Variants in FHIP2B observed in about 807,000 individuals in gnomAD.
FHIP2B encodes the protein FHF complex subunit HOOK-interacting protein 2B.
A neutral mutation model predicts 84.0 loss-of-function variants in FHIP2B; 72 were observed. That is an observed-to-expected ratio of 0.86 (90% confidence interval 0.71 to 1.04). The LOEUF (loss-of-function observed/expected upper bound fraction) is 1.04, where lower values mean the gene tolerates loss of function less well. FHIP2B is among the 50% of genes least tolerant of loss of function. FHIP2B has a pLI of 0.00. For synonymous variants in FHIP2B, 497 were observed against 418.7 expected, an observed-to-expected ratio of 1.19 and a Z score of -2.28; for missense variants, 972 against 968.9, an observed-to-expected ratio of 1.00 and a Z score of -0.04.
chr8:22,099,275 G>A lies in FHIP2B; in HGVS notation c.1075-9G>A. 1 of 1,613,452 alleles carries A rather than the reference G, an allele frequency of 6.2e-7. No individual in the cohort carries two copies. The highest frequency in any genetic ancestry group is 8.5e-7 in the Non-Finnish European group (1 of 1,179,720). ...AGGGCAAAACACATTGGCGCTCTCT[G>A]GCACCCAGGTGGTTGCGGACGCCTT... On this transcript the variant is annotated splice_polypyrimidine_tract_variant and intron_variant, in intron 8 of 16. Transcript: ENST00000289921.
At position 22,099,055 on chromosome 8, in the gene FHIP2B, C is replaced by T. The variant is rs759016089; in HGVS notation, c.1073C>T (p.Thr358Met). 14 of 1,597,534 alleles carry T rather than the reference C, an allele frequency of 8.8e-6. No homozygotes were observed. The highest frequency in any genetic ancestry group is 8.0e-5 in the African/African-American group (6 of 74,674). ...GACCACCTCATCACAGAGGCACACA[C>T]GGTGAGCAGGGGCGGGCGGAGGCCG... is the stretch of plus-strand genomic sequence containing the variant. ...YCDHLITEAH[T>M]VVADALAKAV... The change falls in exon 8 of 17, where the codon ACG becomes ATG. Residue 358 changes from threonine to methionine, a missense_variant and splice_region_variant. Physicochemically the swap from Thr to Met is moderately conservative, Grantham distance 81. Coordinates refer to ENST00000289921, the MANE Select transcript of FHIP2B (RefSeq NM_022749.7).
Position 22,100,927 on chromosome 8 carries a change from C to G in FHIP2B, c.1571C>G (p.Ala524Gly). 2.5e-6 allele frequency: 4 copies of G among 1,613,956 alleles called. No homozygotes were observed. Among genetic ancestry groups the G allele is most frequent in the Middle Eastern group, 1.6e-4 (1 of 6,062 alleles). Residue 524 changes from alanine (A) to glycine (G), a missense_variant, in exon 12 of 17, where the codon GCT becomes GGT. Ala to Gly is a moderately conservative substitution (Grantham distance 60). Coordinates refer to ENST00000289921, the MANE Select transcript of FHIP2B (RefSeq NM_022749.7). ...CCCGCAAAGCCTCGCCTAGCTCCTG[C>G]TACCAGTTACGATGGCAAAACAGCA... The part of the protein sequence containing the change: ...QTPAKPRLAP[A>G]TSYDGKTAVT...
At chr8:22,101,125 C>G in intron 12 of FHIP2B, 153 bp downstream of exon 12, 1 of 987,452 alleles carries the variant, frequency 1.0e-6, no homozygotes, top group South Asian at 1.7e-5. Flanking sequence ...CGGATCCAAG[C>G]GATTCCTGTG....
Position 22,104,414 on chromosome 8 carries a change from C to A in FHIP2B, c.*1483C>A, listed in dbSNP as rs1425388601. 6.6e-6 allele frequency: 1 copy of A among 152,458 alleles called. No homozygotes were observed. Among genetic ancestry groups the A allele is most frequent in the African/African-American group, 2.4e-5 (1 of 41,448 alleles). The allele number at this position is 152,458 out of a possible 1,614,324, so 9.4% of individuals were successfully genotyped here. A position where few individuals can be genotyped will look rare whatever the true frequency, so the allele number is the denominator to read the frequency against. ...CTCTGTTCTTGGCCAAGTTTCCCCA[C>A]CTTCTGCCCAGGACTCCACTGCTAA... On this transcript the variant is annotated 3_prime_UTR_variant, in exon 17 of 17. Coordinates refer to ENST00000289921, the MANE Select transcript of FHIP2B (RefSeq NM_022749.7).
Position 22,096,346 on chromosome 8 carries a change from C to T in FHIP2B, c.134C>T (p.Thr45Ile). 5 of 1,556,042 alleles carry T rather than the reference C, an allele frequency of 3.2e-6. No individual in the cohort carries two copies. The highest frequency in any genetic ancestry group is 1.7e-4 in the Middle Eastern group (1 of 5,974). ...TCCCAAACATCATTAGATGAAAGCA[C>T]CCCCGCCAAGAAGACAGACATTCCC... ...HYYIESTDESTPAKKTDIPWR... is the reference protein window; with the variant it reads ...HYYIESTDESIPAKKTDIPWR... The change falls in exon 3 of 17, where the codon ACC becomes ATC. Residue 45 changes from threonine to isoleucine, a missense_variant. By Grantham distance (89) the Thr-to-Ile change is moderately conservative. Coordinates refer to ENST00000289921, the MANE Select transcript of FHIP2B (RefSeq NM_022749.7).
In FHIP2B at chr8:22,099,852, T is replaced by TA. The variant is rs1326579845; in HGVS notation, c.1301dup (p.Tyr434Ter). The TA allele has an allele frequency of 6.2e-7, 1 of 1,612,568 alleles. No individual in the cohort carries two copies. The highest frequency in any genetic ancestry group is 1.3e-5 in the African/African-American group (1 of 74,888). The change falls in exon 10 of 17, where the codon TAT becomes TAAT. Residue 434 changes from tyrosine to a stop codon, truncating the protein, a stop_gained and frameshift_variant. Transcript: ENST00000289921. LOFTEE classifies it high-confidence loss of function. ...EAPGDNPHTL[Y>*]AHLIGHCDHL... ...CCCCGGGGACAACCCCCACACCCTGTATGCTCATCTCATCGGGCATTGTGA... is the reference window on the plus strand; with the variant it reads ...CCCCGGGGACAACCCCCACACCCTGTAATGCTCATCTCATCGGGCATTGTGA...
At position 22,098,343 on chromosome 8, in the gene FHIP2B, G is replaced by A. The variant is rs770303251; in HGVS notation, c.768+33G>A. 6 of 1,538,444 alleles carry A rather than the reference G, an allele frequency of 3.9e-6. No homozygotes were observed. In the East Asian group the frequency reaches 1.1e-4, roughly 29 times the overall value. On this transcript the variant is annotated intron_variant, in intron 6 of 16. Transcript: ENST00000289921. ...CAGCAGAGATGGAGAGGTTGGGGGT[G>A]GGGGAAGGGTGGGTTGACGGCTGGG...
At position 22,104,719 on chromosome 8, in the gene FHIP2B, GTT is replaced by G. The variant is rs1826300637; in HGVS notation, c.*1791_*1792del. The G allele has an allele frequency of 6.6e-6, 1 of 151,626 alleles. No homozygotes were observed. Among genetic ancestry groups the G allele is most frequent in the South Asian group, 2.1e-4 (1 of 4,814 alleles). The allele number at this position is 151,626 out of a possible 1,614,324, so 9.4% of individuals were successfully genotyped here. ...TGTTTATGCTGCGTGTTGTATGCCT[GTT>G]TTAGTCATAAAGTAGGCCTGATATT... On this transcript the variant is annotated 3_prime_UTR_variant, in exon 17 of 17. Coordinates refer to ENST00000289921, the MANE Select transcript of FHIP2B (RefSeq NM_022749.7).
chr8:22,100,644 C>T lies in FHIP2B; in HGVS notation c.1392C>T (p.His464=), dbSNP rs752875807. 6.9e-6 allele frequency: 11 copies of T among 1,600,258 alleles called. No homozygotes were observed. The highest frequency in any genetic ancestry group is 2.2e-5 in the South Asian group (2 of 89,286). Residue 464 remains histidine (H), a synonymous_variant, in exon 11 of 17, where the codon CAC becomes CAT. Coordinates refer to ENST00000289921, the MANE Select transcript of FHIP2B (RefSeq NM_022749.7). Reference sequence around the variant, plus strand: ...TTGAGGAGCTGCTGCAGAAGCCCCACGAGGGGATCATCCACAGCCTGGTCC... The same window carrying T: ...TTGAGGAGCTGCTGCAGAAGCCCCATGAGGGGATCATCCACAGCCTGGTCC... ...RLFEELLQKP[H]EGIIHSLVLR...
rs1386583455 is a variant in FHIP2B, at chr8:22,089,246, G to A, written c.-8G>A. On this transcript the variant is annotated 5_prime_UTR_variant, in exon 1 of 17. Transcript: ENST00000289921. ...CTTTCGCCCGGGAGCCGGGGGCCGG[G>A]CGCCATCATGCTGAGCCGGCTCGGG... 8 of 1,060,560 alleles carry A rather than the reference G, an allele frequency of 7.5e-6. No homozygotes were observed. The East Asian group carries it at 5.4e-4, about 72-fold the overall frequency. 65.7% of individuals were successfully genotyped at this position (1,060,560 alleles called of 1,614,324 possible).
chr8:22,098,691 G>A, intron 7 of FHIP2B, 72 bp downstream of exon 7: 1 of 1,431,200 alleles, frequency 7.0e-7, no homozygotes, highest in African/African-American at 1.4e-5. Flanking sequence ...TTGGTGGCCA[G>A]CTCCCCTGGG....
rs1267387052 is a variant in FHIP2B at position 22,089,285 on chromosome 8, A to G, written c.32A>G (p.Glu11Gly). The G allele has an allele frequency of 1.9e-6, 2 of 1,039,256 alleles. No homozygotes were observed. The highest frequency in any genetic ancestry group is 2.3e-6 in the Non-Finnish European group (2 of 866,750). 64.4% of individuals were successfully genotyped at this position (1,039,256 alleles called of 1,614,324 possible). ...AGCCGGCTCGGGGCGCTGCTGCAGG[A>G]AGCCGTGGGGGCGGTGAGGCCGGCA... Reference protein sequence around the residue: MLSRLGALLQEAVGAREPSID... With the variant: MLSRLGALLQGAVGAREPSID... The change falls in exon 1 of 17, where the codon GAA becomes GGA. Residue 11 changes from glutamate to glycine, a missense_variant. Glu to Gly is a moderately conservative substitution (Grantham distance 98). Coordinates refer to ENST00000289921, the MANE Select transcript of FHIP2B (RefSeq NM_022749.7).
intron 7 of FHIP2B, 64 bp downstream of exon 7, chr8:22,098,683 G>T: frequency 6.9e-7 from 1 of 1,452,714 alleles, no homozygotes; most frequent in Non-Finnish European, 9.2e-7. Flanking sequence ...GCCTGTCTTT[G>T]GTGGCCAGCT....
At chr8:22,094,400 T>C in intron 1 of FHIP2B, 40 bp from the exon 2 acceptor site, 1 of 1,556,230 alleles carries the variant, frequency 6.4e-7, no homozygotes, top group South Asian at 1.2e-5. Flanking sequence ...CTCCCTGGCC[T>C]TTGTGGCCCC....
Position 22,098,979 on chromosome 8 carries a change from T to C in FHIP2B, c.997T>C (p.Phe333Leu), listed in dbSNP as rs773947894. 1.2e-6 allele frequency: 2 copies of C among 1,607,974 alleles called. No homozygotes were observed. Among genetic ancestry groups the C allele is most frequent in the Non-Finnish European group, 1.7e-6 (2 of 1,177,046 alleles). The change falls in exon 8 of 17, where the codon TTC (phenylalanine) becomes CTC (leucine). Residue 333 changes from phenylalanine to leucine, a missense_variant. By Grantham distance (22) the Phe-to-Leu change is conservative. Coordinates refer to ENST00000289921, the MANE Select transcript of FHIP2B (RefSeq NM_022749.7). ...LPSAPSDEASFPGKEALAAFL... is the reference protein window; with the variant it reads ...LPSAPSDEASLPGKEALAAFL... The stretch of plus-strand genomic sequence containing the variant: ...CAGTGCCCCGTCTGATGAGGCTTCC[T>C]TCCCTGGCAAGGAGGCCTTGGCTGC...
chr8:22,099,813 C>G lies in FHIP2B; in HGVS notation c.1261C>G (p.Arg421Gly), dbSNP rs1405220680. Reference sequence around the variant, plus strand: ...CGTGGCTTTCCTCCTGGGCACAGACCGGCAGCCTGAAGCCCCCGGGGACAA... The same window carrying G: ...CGTGGCTTTCCTCCTGGGCACAGACGGGCAGCCTGAAGCCCCCGGGGACAA... ...EAVAFLLGTD[R>G]QPEAPGDNPH... The change falls in exon 10 of 17, where the codon CGG becomes GGG. Residue 421 changes from arginine (R) to glycine (G), a missense_variant. By Grantham distance (125) the Arg-to-Gly change is moderately radical. Coordinates refer to ENST00000289921, the MANE Select transcript of FHIP2B (RefSeq NM_022749.7). 2 of 1,612,856 alleles carry G rather than the reference C, an allele frequency of 1.2e-6. No homozygotes were observed. Among genetic ancestry groups the G allele is most frequent in the East Asian group, 2.2e-5 (1 of 44,858 alleles).
rs1826256070 is a variant in FHIP2B at position 22,103,796 on chromosome 8, T to C, written c.*865T>C. 6.6e-6 allele frequency: 1 copy of C among 152,442 alleles called. No individual in the cohort carries two copies. The highest frequency in any genetic ancestry group is 2.1e-4 in the South Asian group (1 of 4,832). The allele number at this position is 152,442 out of a possible 1,614,324, so 9.4% of individuals were successfully genotyped here. A position where few individuals can be genotyped will look rare whatever the true frequency, so the allele number is the denominator to read the frequency against. On this transcript the variant is annotated 3_prime_UTR_variant, in exon 17 of 17. Transcript: ENST00000289921. ...GGAGCCAGGGAGCTCAGGGGACAGA[T>C]AAGGGAAGGACGCCCCCTGACTCCA...
rs1263502878 is a variant in FHIP2B, at chr8:22,104,691, G to A, written c.*1760G>A. ...GCATCTGTGTGCAAGTCTCATTTGG[G>A]TGTGTTTATGCTGCGTGTTGTATGC... On this transcript the variant is annotated 3_prime_UTR_variant, in exon 17 of 17. Transcript: ENST00000289921. 2.0e-5 allele frequency: 3 copies of A among 152,168 alleles called. No homozygotes were observed. Among genetic ancestry groups the A allele is most frequent in the East Asian group, 3.9e-4 (2 of 5,192 alleles). 9.4% of individuals were successfully genotyped at this position (152,168 alleles called of 1,614,324 possible).
Position 22,096,485 on chromosome 8 carries a change from T to C in FHIP2B, c.273T>C (p.Thr91=). ...EYLLQHKILE[T]LCTLGKAEYP... ...TGCTGCAGCACAAGATCCTGGAGACTCTCTGCACGCTGGGCAAGGCCGAGG... is the reference window on the plus strand; with the variant it reads ...TGCTGCAGCACAAGATCCTGGAGACCCTCTGCACGCTGGGCAAGGCCGAGG... Residue 91 remains threonine (T), a synonymous_variant, in exon 3 of 17, where the codon ACT becomes ACC. Transcript: ENST00000289921. 6.5e-7 allele frequency: 1 copy of C among 1,548,518 alleles called. No individual in the cohort carries two copies. Among genetic ancestry groups the C allele is most frequent in the Non-Finnish European group, 8.7e-7 (1 of 1,145,640 alleles).
Sources: gnomAD v4.1 joint callset for allele counts on GRCh38, gnomAD v4.1.1 for gene constraint, MANE v1.5 for transcripts, NCBI Gene and HGNC (gene_info 2026-07-23, HGNC 2026-07-21) for gene names.